Variants in GRM7 observed in about 807,000 individuals in gnomAD.
GRM7 encodes glutamate metabotropic receptor 7.
GRM7 carries 35 observed loss-of-function variants against 84.5 expected under a neutral mutation model. That is an observed-to-expected ratio of 0.41 (90% CI 0.32 to 0.55). The LOEUF is 0.55. Ranked by LOEUF, GRM7 falls within the 20% of genes least tolerant of loss-of-function variation. The pLI, the probability that GRM7 is intolerant of heterozygous loss-of-function variation, is 0.19. For missense variants in GRM7, 1,003 were observed against 1,194.6 expected (o/e 0.84, Z 2.36); for synonymous variants, 487 against 455.1 (o/e 1.07, Z -0.89).
At chr3:6,916,063 C>A (rs1470474671) in intron 1 of GRM7, among the ~76,000 whole-genome samples, 1 of 152,162 alleles carries the variant, frequency 6.6e-6, no homozygotes, top group Non-Finnish European at 1.5e-5. Flanking sequence ...GATGTTGCAG[C>A]CAACCAAAAT....
Position 7,048,477 on chromosome 3 carries a change from G to T in GRM7, c.520-97975G>T, listed in dbSNP as rs1696878394. 2.6e-5 allele frequency among the ~76,000 whole-genome samples: 4 copies of T among 151,552 alleles called. No individual in the cohort carries two copies. The South Asian group carries it at 6.2e-4, about 24-fold the overall frequency. ...TGTTTTGCTGACCAAAGAAAATGTA[G>T]GTTGTCATGTTTAAAGAAAAAAAAA... On this transcript the variant is annotated intron_variant, in intron 1 of 9. Transcript: ENST00000357716.
At chr3:7,730,220 A>C (rs1221565436) in intron 9 of GRM7, among the ~76,000 whole-genome samples, 9 of 148,804 alleles carry the variant, frequency 6.0e-5, no homozygotes, top group East Asian at 4.0e-4. Flanking sequence ...GTTGGCCAGG[A>C]TGGTCTCAAT....
At chr3:7,644,736 A>G (rs980627854) in intron 8 of GRM7, among the ~76,000 whole-genome samples, 1 of 152,190 alleles carries the variant, frequency 6.6e-6, no homozygotes, top group Non-Finnish European at 1.5e-5. Flanking sequence ...ATTTTTCCAT[A>G]TAGATTTTTA....
intron 9 of GRM7, among the ~76,000 whole-genome samples, chr3:7,699,260 A>G (rs1463882917): frequency 6.6e-6 from 1 of 152,120 alleles, no homozygotes; most frequent in Non-Finnish European, 1.5e-5. Context: ...CTGTCATCAG[A>G]CCCCAGGTCA....
intron 4 of GRM7, among the ~76,000 whole-genome samples, chr3:7,359,905 G>C (rs1411667004): frequency 6.7e-6 from 1 of 148,312 alleles, no homozygotes; most frequent in Non-Finnish European, 1.5e-5. Context: ...GATTGTTCTT[G>C]AGGTTTCTAA....
At chr3:7,491,669 T>C (rs1205248141) in intron 7 of GRM7, among the ~76,000 whole-genome samples, 1 of 152,158 alleles carries the variant, frequency 6.6e-6, no homozygotes, top group African/African-American at 2.4e-5. Flanking sequence ...ATGTGGCAGT[T>C]GGAGTTGGAT....
intron 1 of GRM7, among the ~76,000 whole-genome samples, chr3:7,016,919 CT>C (rs1695586556): frequency 6.6e-6 from 1 of 152,164 alleles, no homozygotes; most frequent in African/African-American, 2.4e-5. Context: ...GTTTTAAACC[CT>C]TGCTCCTTAA....
chr3:7,702,240 T>C (rs539619813), intron 9 of GRM7, among the ~76,000 whole-genome samples: 1 of 152,332 alleles, frequency 6.6e-6, no homozygotes, highest in East Asian at 1.9e-4. Flanking sequence ...AATTTTAATG[T>C]CCATACCATC....
intron 2 of GRM7, among the ~76,000 whole-genome samples, chr3:7,267,653 A>T (rs1280113855): frequency 2.0e-5 from 3 of 152,210 alleles, no homozygotes; most frequent in Non-Finnish European, 4.4e-5. Context: ...AGGTTAGGAG[A>T]TAAAGTCTCG....
At position 7,154,693 on chromosome 3, in the gene GRM7, G is replaced by T. The variant is rs79438517; in HGVS notation, c.736+8025G>T. On this transcript the variant is annotated intron_variant, in intron 2 of 9. Transcript: ENST00000357716. ...ATATGGAGAATTTTATTGAGCCATG[G>T]AATTTCTTGGTTAATTGGCTGAGGG... 4.3e-3 allele frequency among the ~76,000 whole-genome samples: 651 copies of T among 152,234 alleles called. 3 individuals are homozygous for T. Among genetic ancestry groups the T allele is most frequent in the African/African-American group, 0.015 (617 of 41,548 alleles).
At chr3:7,462,116 A>T (rs1011660480) in intron 7 of GRM7, among the ~76,000 whole-genome samples, 3 of 151,974 alleles carry the variant, frequency 2.0e-5, no homozygotes, top group East Asian at 3.9e-4. Context: ...ATTTTGAGAC[A>T]TTTGAGTGTA....
chr3:6,938,377 A>G (rs1033127257), intron 1 of GRM7, among the ~76,000 whole-genome samples: 5 of 152,184 alleles, frequency 3.3e-5, no homozygotes, highest in African/African-American at 9.7e-5. Flanking sequence ...TAGTTTTTGC[A>G]TAGTGTCTTC....
intron 9 of GRM7, among the ~76,000 whole-genome samples, chr3:7,717,479 TA>T (rs750423448): frequency 1.9e-4 from 29 of 152,208 alleles, no homozygotes; most frequent in Non-Finnish European, 3.8e-4. Flanking sequence ...GGCTTTCAAA[TA>T]CATCATCTCT....
intron 2 of GRM7, among the ~76,000 whole-genome samples, chr3:7,202,136 A>C (rs1429541195): frequency 2.6e-5 from 4 of 151,978 alleles, no homozygotes; most frequent in African/African-American, 9.7e-5. Context: ...TCTTGTCTCA[A>C]ATTAAAGGCT....
At chr3:7,466,966 C>A (rs985252263) in intron 7 of GRM7, among the ~76,000 whole-genome samples, 4 of 152,198 alleles carry the variant, frequency 2.6e-5, no homozygotes, top group Admixed American at 1.3e-4. Context: ...TAGCACACAG[C>A]AGGCATTTGT....
intron 9 of GRM7, among the ~76,000 whole-genome samples, chr3:7,708,478 G>A (rs190260263): frequency 8.5e-5 from 13 of 152,264 alleles, no homozygotes; most frequent in East Asian, 1.9e-4. Context: ...GAGAGGTGAC[G>A]TCTGATCCAT....
chr3:6,994,157 C>T (rs1694747320), intron 1 of GRM7, among the ~76,000 whole-genome samples: 1 of 152,018 alleles, frequency 6.6e-6, no homozygotes, highest in Non-Finnish European at 1.5e-5. Context: ...CAATAGAGGC[C>T]ATCGAAAGAG....
At chr3:7,058,588 G>C (rs1158324763) in intron 1 of GRM7, among the ~76,000 whole-genome samples, 2 of 151,820 alleles carry the variant, frequency 1.3e-5, no homozygotes, top group Non-Finnish European at 2.9e-5. Flanking sequence ...ATATTTGTTA[G>C]AAATGCTTGT....
At chr3:7,174,722 A>G (rs1034693690) in intron 2 of GRM7, among the ~76,000 whole-genome samples, 1 of 151,774 alleles carries the variant, frequency 6.6e-6, no homozygotes, top group Admixed American at 6.6e-5. Context: ...CTTCACAAAA[A>G]CTCCAATTTC....
Sources: gnomAD v4.1 joint callset for allele counts (sites outside exome capture counted in the v4.1 genomes callset) on GRCh38, gnomAD v4.1.1 for gene constraint, MANE v1.5 for transcripts, NCBI Gene and HGNC (gene_info 2026-07-23, HGNC 2026-07-21) for gene names.